Variants in NBPF10 observed in about 807,000 individuals in gnomAD.
The protein encoded by NBPF10 is NBPF family member NBPF10.
A neutral mutation model predicts 77.9 loss-of-function variants in NBPF10; 63 were observed. The observed-to-expected ratio is 0.81, with a 90% CI of 0.66 to 1.00. NBPF10 has a LOEUF of 1.00. NBPF10 is among the 50% of genes least tolerant of loss of function. The probability of loss-of-function intolerance (pLI) is 0.00; values close to 1 mark genes in which losing one functional copy is unlikely to be tolerated. For missense variants in NBPF10, 522 were observed against 679.8 expected, an observed-to-expected ratio of 0.77 and a Z score of 2.58; for synonymous variants, 146 against 264.5, an observed-to-expected ratio of 0.55 and a Z score of 4.35.
Position 146,073,135 on chromosome 1 carries a change from G to C in NBPF10, c.10131-234C>G, listed in dbSNP as rs1159774368. Among the ~76,000 whole-genome samples the C allele has an allele frequency of 4.2e-5, 3 of 71,716 alleles. 1 individual carries two copies. The highest frequency in any genetic ancestry group is 7.7e-5 in the Non-Finnish European group (3 of 39,202). The allele number at this position is 71,716 out of a possible 152,430, so 47.0% of individuals were successfully genotyped here. A position where few individuals can be genotyped will look rare whatever the true frequency, so the allele number is the denominator to read the frequency against. ...AGAGGGAGGAGAAAGTGAGCTCAGC[G>C]AATTGGCCGGGTGACACACTGATGA... On this transcript the variant is annotated intron_variant, in intron 81 of 89. Transcript: ENST00000583866.
chr1:146,134,174 C>A lies in NBPF10; in HGVS notation c.1379+19G>T, dbSNP rs587614381. 7.2e-7 allele frequency: 1 copy of A among 1,393,516 alleles called. No homozygotes were observed. The highest frequency in any genetic ancestry group is 9.9e-7 in the Non-Finnish European group (1 of 1,013,450). The allele number at this position is 1,393,516 out of a possible 1,614,324, so 86.3% of individuals were successfully genotyped here. ...CATATGTTACCATCCATTAATTGTT[C>A]CTGAGTATTCAGTGTTACCTGGGGG... On this transcript the variant is annotated intron_variant, in intron 9 of 89. Transcript: ENST00000583866.
chr1:146,067,282 T>A (rs1553777995), exon 89 of NBPF10: 5 of 554,156 alleles, frequency 9.0e-6, no homozygotes, highest in Admixed American at 3.2e-5. Context: ...CCCCTTCTTT[T>A]CAATTTCTGC....
intron 71 of NBPF10, among the ~76,000 whole-genome samples, chr1:146,080,988 C>CTT (rs1571131141): frequency 1.3e-5 from 1 of 79,954 alleles, no homozygotes; most frequent in East Asian, 2.9e-4. Context: ...CACACACACA[C>CTT]ACACACACAC....
intron 86 of NBPF10, 77 bp downstream of exon 86, chr1:146,069,465 AG>A (rs1655574428): frequency 1.6e-6 from 1 of 606,462 alleles, no homozygotes; most frequent in East Asian, 3.0e-5. Context: ...CAGCTCAGTA[AG>A]GGCCACTTGC....
chr1:146,069,392 G>A (rs1553779253), intron 86 of NBPF10, among the ~76,000 whole-genome samples, 151 bp downstream of exon 86: 1 of 91,884 alleles, frequency 1.1e-5, no homozygotes, highest in Non-Finnish European at 2.2e-5. Flanking sequence ...GCTTCCAAGT[G>A]GAACTAGAGT....
At chr1:146,136,275 T>TA in intron 7 of NBPF10, 78 bp downstream of exon 7, 1 of 901,422 alleles carries the variant, frequency 1.1e-6, no homozygotes, top group African/African-American at 1.7e-5. Flanking sequence ...GCTTAGCTCT[T>TA]ACGTCTCCCC....
intron 10 of NBPF10, among the ~76,000 whole-genome samples, chr1:146,132,988 AC>A (rs1659350236): frequency 5.7e-5 from 1 of 17,476 alleles, no homozygotes; most frequent in Non-Finnish European, 2.1e-4. Context: ...AGGGTGGAGA[AC>A]CAGGGTCCAG....
rs1400505143 is a variant in NBPF10, at chr1:146,126,612, C to CACACAG, written c.1854-205_1854-204insCTGTGT. Among the ~76,000 whole-genome samples, 58 of 139,246 alleles carry CACACAG rather than the reference C, an allele frequency of 4.2e-4. 1 individual carries two copies. The highest frequency in any genetic ancestry group is 1.4e-3 in the African/African-American group (56 of 38,986). The allele number at this position is 139,246 out of a possible 152,430, so 91.4% of individuals were successfully genotyped here. ...AACGAGAAAGACACACACACACACA[C>CACACAG]ACACACACACACACACACACACAGA... On this transcript the variant is annotated intron_variant, in intron 13 of 89. Coordinates refer to ENST00000583866, the Ensembl canonical transcript of NBPF10.
rs1655595107 is a variant in NBPF10 at position 146,069,595 on chromosome 1, A to T, written c.10758T>A (p.Ser3586Arg). ...GCTGTTGCTCCAATACATAAAAGGC[A>T]CTTCTGTAGGGCTGGCATGAGTCAC... is the stretch of plus-strand genomic sequence containing the variant. Residue 3586 changes from serine to arginine, a missense_variant, in exon 86 of 90, where the codon AGT (serine) becomes AGA (arginine). Transcript: ENST00000583866. The T allele has an allele frequency of 5.9e-6, 9 of 1,532,596 alleles. No individual in the cohort carries two copies. In the South Asian group the frequency reaches 7.8e-5, roughly 13 times the overall value. 94.9% of individuals were successfully genotyped at this position (1,532,596 alleles called of 1,614,324 possible). A position where few individuals can be genotyped will look rare whatever the true frequency, so the allele number is the denominator to read the frequency against.
At chr1:146,126,270 C>G (rs587667732) in exon 14 of NBPF10, 1 of 1,608,266 alleles carries the variant, frequency 6.2e-7, no homozygotes, top group Admixed American at 1.7e-5. Context: ...CACGCTGTTG[C>G]TCCAATATGT....
At chr1:146,126,596 GACACACACAC>G (rs56881979) in intron 13 of NBPF10, among the ~76,000 whole-genome samples, 188 bp from the exon 14 acceptor site, 1,637 of 113,668 alleles carry the variant, frequency 0.014, 95 homozygotes, top group Non-Finnish European at 0.021. Flanking sequence ...GAACGAGAAA[GACACACACAC>G]ACACACACAC....
exon 7 of NBPF10, chr1:146,136,373 G>C (rs6690575): frequency 0.04 from 59,806 of 1,512,640 alleles, 3,126 homozygotes; most frequent in African/African-American, 0.35. Flanking sequence ...CAGCTTGCTT[G>C]AGCTGCTCTG....
chr1:146,067,947 C>T (rs1265621905), intron 88 of NBPF10, 56 bp downstream of exon 88: 24 of 657,698 alleles, frequency 3.6e-5, no homozygotes, highest in Admixed American at 1.1e-4. Flanking sequence ...ATAGGAATAT[C>T]ACCCCTATCT....
At chr1:146,068,890 T>C in intron 86 of NBPF10, 67 bp from the exon 87 acceptor site, 1 of 58,522 alleles carries the variant, frequency 1.7e-5, no homozygotes. Context: ...CAATCCACTG[T>C]CTAATCCTCA....
intron 14 of NBPF10, among the ~76,000 whole-genome samples, chr1:146,126,001 G>A (rs1368547385): frequency 6.6e-6 from 1 of 151,742 alleles, no homozygotes; most frequent in East Asian, 1.9e-4. Flanking sequence ...CATCTTGAGA[G>A]TAGGATTATG....
intron 88 of NBPF10, 124 bp downstream of exon 88, chr1:146,067,879 C>A (rs1314407418): frequency 1.1e-5 from 8 of 696,178 alleles, no homozygotes; most frequent in Admixed American, 4.1e-5. Flanking sequence ...AACCTATATG[C>A]GCCCATAGGT....
chr1:146,126,634 C>G (rs56373283), intron 13 of NBPF10, among the ~76,000 whole-genome samples: 1 of 135,100 alleles, frequency 7.4e-6, no homozygotes, highest in South Asian at 2.5e-4. Flanking sequence ...CACACACACA[C>G]AGAGCGAGCT....
chr1:146,121,840 A>G (rs1338798880), intron 19 of NBPF10, among the ~76,000 whole-genome samples, 170 bp from the exon 20 acceptor site: 1 of 148,876 alleles, frequency 6.7e-6, no homozygotes, highest in South Asian at 2.1e-4. Flanking sequence ...GGCCAGGTAG[A>G]AAACAATGAA....
Position 146,125,850 on chromosome 1 carries a change from C to G in NBPF10, c.2027-334G>C, listed in dbSNP as rs587730629. Among the ~76,000 whole-genome samples the G allele has an allele frequency of 8.6e-5, 13 of 150,704 alleles. No homozygotes were observed. The South Asian group carries it at 2.3e-3, about 27-fold the overall frequency. ...AGGAGAAAAACTGCACTATTCAGCC[C>G]TGTCTCATCAAATACTCAGATTGTT... On this transcript the variant is annotated intron_variant, in intron 14 of 89. Transcript: ENST00000583866.
Sources: gnomAD v4.1 joint callset for allele counts (sites outside exome capture counted in the v4.1 genomes callset) on GRCh38, gnomAD v4.1.1 for gene constraint, MANE v1.5 for transcripts, NCBI Gene and HGNC (gene_info 2026-07-23, HGNC 2026-07-21) for gene names.